NCKAP5: variants seen among roughly 807,000 people sequenced by gnomAD.
The protein encoded by NCKAP5 is nck-associated protein 5.
In NCKAP5, 92 loss-of-function variants were observed where a neutral mutation model predicts 167.0. That is an observed-to-expected ratio of 0.55 (90% confidence interval 0.47 to 0.66). NCKAP5 has a LOEUF of 0.66. NCKAP5 is among the 30% of genes least tolerant of loss of function. The pLI is 0.00. For missense variants in NCKAP5, 2,378 were observed against 2,315.0 expected (o/e 1.03, Z -0.56); for synonymous variants, 891 against 877.4 (o/e 1.02, Z -0.27).
chr2:133,032,986 C>G (rs2078930119), intron 6 of NCKAP5, among the ~76,000 whole-genome samples: 1 of 152,130 alleles, frequency 6.6e-6, no homozygotes, highest in Admixed American at 6.5e-5. Flanking sequence ...CTCCATGATC[C>G]AATCACTTCC....
chr2:133,207,101 A>T (rs2085984699), intron 5 of NCKAP5, among the ~76,000 whole-genome samples: 1 of 152,132 alleles, frequency 6.6e-6, no homozygotes, highest in African/African-American at 2.4e-5. Flanking sequence ...CCTTTGAAGC[A>T]TGTGATCCTT....
intron 6 of NCKAP5, among the ~76,000 whole-genome samples, chr2:133,108,856 T>C (rs2149708312): frequency 6.6e-6 from 1 of 152,344 alleles, no homozygotes; most frequent in Admixed American, 6.5e-5. Flanking sequence ...TTGTCACAAG[T>C]GGGAGGATTT....
intron 3 of NCKAP5, chr2:133,333,692 C>A (rs1377896876): frequency 6.6e-6 from 1 of 152,196 alleles, no homozygotes; most frequent in Admixed American, 6.5e-5. Context: ...AATCAGACTG[C>A]ATTGCTGAAC....
At chr2:132,833,981 C>T (rs971122661) in intron 11 of NCKAP5, among the ~76,000 whole-genome samples, 3 of 152,096 alleles carry the variant, frequency 2.0e-5, no homozygotes, top group African/African-American at 7.2e-5. Flanking sequence ...TTCTGCTTAT[C>T]CCTGAGAATT....
chr2:133,483,830 T>G (rs1287311128), intron 3 of NCKAP5, among the ~76,000 whole-genome samples: 1 of 152,218 alleles, frequency 6.6e-6, no homozygotes, highest in African/African-American at 2.4e-5. Context: ...CCATATCTAT[T>G]GAAGCAGAAT....
intron 9 of NCKAP5, among the ~76,000 whole-genome samples, chr2:132,875,732 C>A (rs573161731): frequency 6.6e-6 from 1 of 152,300 alleles, no homozygotes; most frequent in East Asian, 1.9e-4. Flanking sequence ...ACTAAGAAAC[C>A]TGATTCTAAC....
intron 5 of NCKAP5, among the ~76,000 whole-genome samples, chr2:133,187,897 A>G (rs1423259831): frequency 6.6e-6 from 1 of 152,014 alleles, no homozygotes; most frequent in African/African-American, 2.4e-5. Context: ...TCTCCTGAAT[A>G]CAGCACACTG....
rs375106025 is a variant in NCKAP5, at chr2:133,235,658, T to C, written c.144-21879A>G. ...GTGGCTCATGCCTGCAATCCCAGCA[T>C]GTTGGGAGGCCGAGGTGGCATGGAT... On this transcript the variant is annotated intron_variant, in intron 4 of 19. Transcript: ENST00000409261. Among the ~76,000 whole-genome samples the C allele has an allele frequency of 4.6e-5, 7 of 152,010 alleles. No homozygotes were observed. In the East Asian group the frequency reaches 1.2e-3, roughly 25 times the overall value.
chr2:133,311,512 T>C (rs977941342), intron 3 of NCKAP5, among the ~76,000 whole-genome samples: 2 of 152,112 alleles, frequency 1.3e-5, no homozygotes, highest in African/African-American at 4.8e-5. Context: ...TCATTGGCCA[T>C]TGGTGGTCAA....
intron 8 of NCKAP5, among the ~76,000 whole-genome samples, chr2:132,920,464 C>T (rs879373649): frequency 1.3e-5 from 2 of 151,172 alleles, no homozygotes; most frequent in Non-Finnish European, 2.9e-5. Flanking sequence ...AAAGGACCCC[C>T]TTTTGTTGAT....
intron 18 of NCKAP5, 96 bp from the exon 19 acceptor site, chr2:132,725,855 C>T (rs2105431266): frequency 1.6e-6 from 2 of 1,277,032 alleles, no homozygotes; most frequent in Non-Finnish European, 2.2e-6. Context: ...ATCTGGCTGT[C>T]AATGTGTGCA....
chr2:133,653,023 C>A, the NCKAP5 span, among the ~76,000 whole-genome samples: 52 of 152,310 alleles, frequency 3.4e-4, no homozygotes, highest in Admixed American at 1.5e-3. Flanking sequence ...TCACATCAGG[C>A]TTTTCCAGGA....
chr2:133,267,604 A>G (rs1451599746), intron 4 of NCKAP5, among the ~76,000 whole-genome samples: 1 of 152,248 alleles, frequency 6.6e-6, no homozygotes, highest in Non-Finnish European at 1.5e-5. Flanking sequence ...TTTGGGCAAG[A>G]AAACGCTGAA....
intron 3 of NCKAP5, among the ~76,000 whole-genome samples, chr2:133,391,683 T>C (rs1022876326): frequency 2.6e-5 from 4 of 152,160 alleles, no homozygotes; most frequent in African/African-American, 9.7e-5. Context: ...GTGTCCCTAA[T>C]CCAGGCCCTC....
At chr2:132,866,520 C>T (rs16842766) in intron 10 of NCKAP5, among the ~76,000 whole-genome samples, 1,639 of 152,112 alleles carry the variant, frequency 0.011, 26 homozygotes, top group African/African-American at 0.038. Context: ...AATTACTTGA[C>T]GAGGTACACT....
intron 5 of NCKAP5, among the ~76,000 whole-genome samples, chr2:133,166,078 C>G (rs530616760): frequency 1.6e-4 from 25 of 152,118 alleles, no homozygotes; most frequent in Non-Finnish European, 3.2e-4. Context: ...AAATAGGGCC[C>G]TGCAGTGGAA....
chr2:133,241,916 G>A (rs954045959), intron 4 of NCKAP5, among the ~76,000 whole-genome samples: 3 of 151,956 alleles, frequency 2.0e-5, no homozygotes, highest in Non-Finnish European at 2.9e-5. Context: ...TAAGGAGTTC[G>A]AGACCAGCCT....
intron 6 of NCKAP5, among the ~76,000 whole-genome samples, chr2:133,053,584 C>G (rs2079684414): frequency 6.6e-6 from 1 of 152,210 alleles, no homozygotes; most frequent in East Asian, 1.9e-4. Context: ...TCTTTACTTT[C>G]TGAATCCTAC....
At chr2:133,231,813 C>A (rs1004170197) in intron 4 of NCKAP5, among the ~76,000 whole-genome samples, 2 of 152,098 alleles carry the variant, frequency 1.3e-5, no homozygotes, top group African/African-American at 4.8e-5. Context: ...AAGAAATGTA[C>A]CAAAGATTAA....
Sources: gnomAD v4.1 joint callset for allele counts (sites outside exome capture counted in the v4.1 genomes callset) on GRCh38, gnomAD v4.1.1 for gene constraint, MANE v1.5 for transcripts, NCBI Gene and HGNC (gene_info 2026-07-23, HGNC 2026-07-21) for gene names.